The following MAGI2 variants were observed in gnomAD, a reference collection of about 807,000 sequenced individuals.
MAGI2 encodes membrane-associated guanylate kinase, WW and PDZ domain-containing protein 2.
A neutral mutation model predicts 133.3 loss-of-function variants in MAGI2; 35 were observed. The observed-to-expected ratio is 0.26, with a 90% CI of 0.20 to 0.35. MAGI2 has a LOEUF of 0.35. MAGI2 is among the 10% of genes least tolerant of loss of function. The probability of loss-of-function intolerance (pLI) is 1.00; values close to 1 mark genes in which losing one functional copy is unlikely to be tolerated. For synonymous variants in MAGI2, 729 were observed against 710.6 expected (o/e 1.03, Z -0.41); for missense variants, 1,636 against 1,863.4 (o/e 0.88, Z 2.25).
intron 2 of MAGI2, among the ~76,000 whole-genome samples, chr7:78,835,537 T>C (rs1791545161): frequency 2.0e-5 from 3 of 152,202 alleles, no homozygotes; most frequent in Non-Finnish European, 2.9e-5. Context: ...GTGAATCTCC[T>C]ATCTGTGAGA....
chr7:78,608,469 A>G (rs38097), intron 3 of MAGI2, among the ~76,000 whole-genome samples: 142,538 of 149,954 alleles, frequency 0.95, 67,562 homozygotes, highest in South Asian at 0.99. Flanking sequence ...ATGTGTGTGT[A>G]TGTATATATA....
Position 78,083,387 on chromosome 7 carries a change from G to GGAGAGAGAGAGA in MAGI2, c.3568-4314_3568-4303dup, listed in dbSNP as rs747230358. The stretch of plus-strand genomic sequence containing the variant: ...GGGGGCGGGGGAGGGAGGGAGGGGG[G>GGAGAGAGAGAGA]GAGAGAGAGAGAGAGAGAGAGAGAG... On this transcript the variant is annotated intron_variant, in intron 20 of 21. Coordinates refer to ENST00000354212, the MANE Select transcript of MAGI2 (RefSeq NM_012301.4). Among the ~76,000 whole-genome samples the GGAGAGAGAGAGA allele has an allele frequency of 3.2e-3, 108 of 33,282 alleles. 2 individuals are homozygous for GGAGAGAGAGAGA. The highest frequency in any genetic ancestry group is 0.013 in the East Asian group (10 of 758). 21.8% of individuals were successfully genotyped at this position (33,282 alleles called of 152,430 possible).
intron 9 of MAGI2, among the ~76,000 whole-genome samples, chr7:78,272,392 G>T (rs2150988838): frequency 6.6e-6 from 1 of 152,268 alleles, no homozygotes; most frequent in Non-Finnish European, 1.5e-5. Context: ...AATGCGACGT[G>T]GTGCTGAGAA....
At chr7:78,628,042 C>T (rs952786165) in intron 2 of MAGI2, among the ~76,000 whole-genome samples, 1 of 152,140 alleles carries the variant, frequency 6.6e-6, no homozygotes, top group Non-Finnish European at 1.5e-5. Context: ...GCTATGACGG[C>T]CAAGGTGGCA....
intron 1 of MAGI2, among the ~76,000 whole-genome samples, chr7:79,033,967 T>A (rs1056776053): frequency 5.3e-5 from 8 of 151,930 alleles, no homozygotes; most frequent in Non-Finnish European, 8.8e-5. Flanking sequence ...TTAAAAAAAA[T>A]GTTCTAGTAA....
intron 1 of MAGI2, among the ~76,000 whole-genome samples, chr7:79,365,814 C>A (rs550783489): frequency 7.9e-6 from 1 of 127,266 alleles, no homozygotes; most frequent in East Asian, 2.6e-4. Context: ...GAGCCAAGAT[C>A]GGGCCGCTGC....
intron 1 of MAGI2, among the ~76,000 whole-genome samples, chr7:79,360,794 A>C (rs1194975964): frequency 6.6e-6 from 1 of 152,156 alleles, no homozygotes; most frequent in African/African-American, 2.4e-5. Flanking sequence ...GAAAAGAAAC[A>C]GAGGAATTAG....
chr7:78,634,194 G>A (rs973818346), intron 2 of MAGI2, among the ~76,000 whole-genome samples: 1 of 152,210 alleles, frequency 6.6e-6, no homozygotes, highest in Non-Finnish European at 1.5e-5. Flanking sequence ...GTAAGATGTA[G>A]TACACAGTGG....
intron 16 of MAGI2, among the ~76,000 whole-genome samples, chr7:78,137,738 CTG>C (rs1286840547): frequency 2.6e-5 from 4 of 152,282 alleles, no homozygotes; most frequent in Non-Finnish European, 5.9e-5. Flanking sequence ...TTGCAGGTCT[CTG>C]TAGGAAAACA....
chr7:78,179,235 C>T (rs2150685774), intron 13 of MAGI2, among the ~76,000 whole-genome samples: 1 of 152,296 alleles, frequency 6.6e-6, no homozygotes, highest in Non-Finnish European at 1.5e-5. Context: ...AAGTAAAATT[C>T]CCCTTGCTTA....
chr7:79,334,199 C>G (rs1840276767), intron 1 of MAGI2, among the ~76,000 whole-genome samples: 1 of 152,094 alleles, frequency 6.6e-6, no homozygotes, highest in Admixed American at 6.6e-5. Flanking sequence ...GTTCCATTTC[C>G]TTATCCATAA....
At chr7:79,186,822 A>G (rs1337774923) in intron 1 of MAGI2, among the ~76,000 whole-genome samples, 1 of 140,224 alleles carries the variant, frequency 7.1e-6, no homozygotes, top group Non-Finnish European at 1.5e-5. Context: ...GGATACCAGA[A>G]TCCCTAAAAT....
chr7:79,175,706 A>G (rs1253496320), intron 1 of MAGI2, among the ~76,000 whole-genome samples: 1 of 152,046 alleles, frequency 6.6e-6, no homozygotes, highest in Admixed American at 6.6e-5. Flanking sequence ...TAAGCTACAA[A>G]TTTGTACAGC....
In MAGI2 at chr7:78,143,865, G is replaced by A. The variant is rs576869752; in HGVS notation, c.2846-8659C>T. ...CAGCTCATTTCCAAAACTGCTATAT[G>A]ATCTTATTCAGTGTTGCTTAATCTT... On this transcript the variant is annotated intron_variant, in intron 16 of 21. Coordinates refer to ENST00000354212, the MANE Select transcript of MAGI2 (RefSeq NM_012301.4). Among the ~76,000 whole-genome samples, 280 of 150,716 alleles carry A rather than the reference G, an allele frequency of 1.9e-3. 1 individual carries two copies. Among genetic ancestry groups the A allele is most frequent in the Non-Finnish European group, 3.2e-3 (215 of 67,788 alleles).
chr7:79,043,774 A>T (rs185871228), intron 1 of MAGI2, among the ~76,000 whole-genome samples: 27 of 152,252 alleles, frequency 1.8e-4, no homozygotes, highest in African/African-American at 6.5e-4. Context: ...GAATACCTCT[A>T]TGCACACAAC....
At chr7:78,596,209 A>AAGGAAGGG (rs1804595332) in intron 3 of MAGI2, among the ~76,000 whole-genome samples, 1 of 102,980 alleles carries the variant, frequency 9.7e-6, no homozygotes, top group Non-Finnish European at 2.2e-5. Context: ...GGAAGGAATG[A>AAGGAAGGG]AGGAAGGGAG....
intron 1 of MAGI2, among the ~76,000 whole-genome samples, chr7:79,307,472 G>A (rs144679968): frequency 6.6e-6 from 1 of 152,278 alleles, no homozygotes; most frequent in East Asian, 1.9e-4. Context: ...GTGTCAGGGT[G>A]TGAGAAAATT....
intron 7 of MAGI2, among the ~76,000 whole-genome samples, chr7:78,357,196 A>G (rs1166089656): frequency 6.6e-6 from 1 of 152,184 alleles, no homozygotes; most frequent in South Asian, 2.1e-4. Flanking sequence ...CAATATTTTT[A>G]TCACCTACTA....
intron 6 of MAGI2, among the ~76,000 whole-genome samples, chr7:78,449,676 T>A (rs17150792): frequency 6.6e-6 from 1 of 151,952 alleles, no homozygotes; most frequent in Non-Finnish European, 1.5e-5. Context: ...GGCTTCAAAA[T>A]TTTTTTGAGG....
Sources: allele counts gnomAD v4.1 joint callset (sites outside exome capture counted in the v4.1 genomes callset), GRCh38; gene constraint gnomAD v4.1.1; transcripts MANE v1.5; gene names NCBI Gene and HGNC (gene_info 2026-07-23, HGNC 2026-07-21).